The following ATG4B variants were observed in gnomAD, a reference collection of about 807,000 sequenced individuals.
The protein encoded by ATG4B is cysteine protease ATG4B.
In ATG4B, 29 loss-of-function variants were observed where a neutral mutation model predicts 56.6. That is an observed-to-expected ratio of 0.51 (90% CI 0.38 to 0.70). The LOEUF (loss-of-function observed/expected upper bound fraction) is 0.70, where lower values mean the gene tolerates loss of function less well. Among genes scored for constraint, ATG4B ranks in the 30% least tolerant of loss-of-function variants. ATG4B has a pLI of 0.00. For missense variants in ATG4B, 461 were observed against 515.5 expected (o/e 0.89, Z 1.02); for synonymous variants, 224 against 206.1 (o/e 1.09, Z -0.74).
At position 241,651,474 on chromosome 2, in the gene ATG4B, G is replaced by T; in HGVS notation, c.184+139G>T. 2.7e-6 allele frequency: 2 copies of T among 730,516 alleles called. No individual in the cohort carries two copies. The highest frequency in any genetic ancestry group is 4.5e-6 in the Non-Finnish European group (2 of 443,942). The allele number at this position is 730,516 out of a possible 1,614,324, so 45.3% of individuals were successfully genotyped here. On this transcript the variant is annotated intron_variant, in intron 3 of 12. Coordinates refer to ENST00000404914, the MANE Select transcript of ATG4B (RefSeq NM_013325.5). This position sits in a 1 kb window ranked among gnomAD's most constrained non-coding sequence, Gnocchi z 4.1. ...GCAATCCTGCTTAACTGAATTGGCC[G>T]AGGCCTCACGTGTAGTAGTGGCAAA...
chr2:241,651,420 A>G lies in ATG4B; in HGVS notation c.184+85A>G. 3 of 1,035,764 alleles carry G rather than the reference A, an allele frequency of 2.9e-6. No individual in the cohort carries two copies. The highest frequency in any genetic ancestry group is 1.5e-5 in the South Asian group (1 of 66,996). 64.2% of individuals were successfully genotyped at this position (1,035,764 alleles called of 1,614,324 possible). ...TTACGCTTGTAGATTTGACTTCAAT[A>G]TGCCACTGACTTCATTTGAATCTTC... On this transcript the variant is annotated intron_variant, in intron 3 of 12. Transcript: ENST00000404914. The surrounding 1 kb of genome is among the most constrained non-coding windows in gnomAD (Gnocchi z 4.1).
At chr2:241,638,386 T>TGA (rs1183957909) in intron 1 of ATG4B, 2 of 152,110 alleles carry the variant, frequency 1.3e-5, no homozygotes, top group Non-Finnish European at 2.9e-5. Flanking sequence ...TGTGTGTGTG[T>TGA]ATAGGGAGTG....
In ATG4B at chr2:241,668,360, T is replaced by C. The variant is rs2068845099; in HGVS notation, c.811+139T>C. On this transcript the variant is annotated intron_variant, in intron 9 of 12. Transcript: ENST00000404914. The surrounding 1 kb of genome is among the most constrained non-coding windows in gnomAD (Gnocchi z 4.2). ...GCCCTGGGGTTCATTTTCAGCCTGG[T>C]CGCGGGCGGCCTCCTGTGTGCCCCT... 7.3e-7 allele frequency: 1 copy of C among 1,368,656 alleles called. No individual in the cohort carries two copies. Among genetic ancestry groups the C allele is most frequent in the Non-Finnish European group, 1.0e-6 (1 of 987,068 alleles). The allele number at this position is 1,368,656 out of a possible 1,614,324, so 84.8% of individuals were successfully genotyped here.
intron 5 of ATG4B, 163 bp from the exon 6 acceptor site, chr2:241,655,108 G>GC: frequency 3.1e-6 from 2 of 652,400 alleles, no homozygotes; most frequent in Non-Finnish European, 2.8e-6. Flanking sequence ...GACCTTGTTT[G>GC]CCCCCTCATG....
rs955317959 is a variant in ATG4B at position 241,644,854 on chromosome 2, C to T, written c.11-6156C>T. ...ATCCCAGCTACTCGGGAGGCTGAGG[C>T]AGGAGAATCGCTTGAAACCGGGAGG... On this transcript the variant is annotated intron_variant, in intron 1 of 12. Coordinates refer to ENST00000404914, the MANE Select transcript of ATG4B (RefSeq NM_013325.5). Among the ~76,000 whole-genome samples the T allele has an allele frequency of 1.4e-4, 21 of 151,414 alleles. 1 individual carries two copies. The highest frequency in any genetic ancestry group is 1.6e-4 in the Non-Finnish European group (11 of 67,942).
intron 12 of ATG4B, 99 bp from the exon 13 acceptor site, chr2:241,672,092 G>A (rs1030915951): frequency 1.3e-6 from 2 of 1,516,058 alleles, no homozygotes; most frequent in African/African-American, 2.8e-5. Context: ...GTGGGCTGCA[G>A]AGCAGGCACT....
At chr2:241,663,717 A>G (rs911584500) in intron 7 of ATG4B, among the ~76,000 whole-genome samples, 4 of 152,142 alleles carry the variant, frequency 2.6e-5, no homozygotes, top group South Asian at 2.1e-4. Context: ...GTAGTGGCTC[A>G]TGTTTGTAAT....
intron 1 of ATG4B, among the ~76,000 whole-genome samples, chr2:241,639,878 G>A (rs113403498): frequency 8.5e-5 from 13 of 152,316 alleles, no homozygotes; most frequent in South Asian, 2.1e-4. Flanking sequence ...AGAGGAAAGC[G>A]CACCAAACAG....
At chr2:241,663,862 A>T (rs2068669236) in intron 7 of ATG4B, among the ~76,000 whole-genome samples, 1 of 149,838 alleles carries the variant, frequency 6.7e-6, no homozygotes, top group Non-Finnish European at 1.5e-5. Flanking sequence ...GCTGGAGTGC[A>T]GTGGTGGCAC....
In ATG4B at chr2:241,672,236, A is replaced by G; in HGVS notation, c.1154A>G (p.Asp385Gly). ...CTGGAAAGATTCTTCGACTCAGAAGATGAAGACTTTGAAATCCTGTCCCTT... is the reference window on the plus strand; with the variant it reads ...CTGGAAAGATTCTTCGACTCAGAAGGTGAAGACTTTGAAATCCTGTCCCTT... ...ERLERFFDSE[D>G]EDFEILSL The change falls in exon 13 of 13, where the codon GAT (aspartate) becomes GGT (glycine). Residue 385 changes from aspartate (D) to glycine (G), a missense_variant. Asp to Gly is a moderately conservative substitution (Grantham distance 94). Coordinates refer to ENST00000404914, the MANE Select transcript of ATG4B (RefSeq NM_013325.5). The G allele has an allele frequency of 6.3e-7, 1 of 1,584,964 alleles. No homozygotes were observed. Among genetic ancestry groups the G allele is most frequent in the Non-Finnish European group, 8.6e-7 (1 of 1,165,144 alleles).
intron 1 of ATG4B, among the ~76,000 whole-genome samples, chr2:241,644,347 G>A (rs1239251272): frequency 1.3e-5 from 2 of 152,076 alleles, no homozygotes; most frequent in Non-Finnish European, 2.9e-5. Flanking sequence ...TTGGGTGACA[G>A]AGCCAGAAGG....
In ATG4B at chr2:241,666,699, A is replaced by G. The variant is rs771617472; in HGVS notation, c.593A>G (p.Asp198Gly). 5 of 1,613,350 alleles carry G rather than the reference A, an allele frequency of 3.1e-6. No homozygotes were observed. The highest frequency in any genetic ancestry group is 4.2e-6 in the Non-Finnish European group (5 of 1,179,678). The change falls in exon 8 of 13, where the codon GAT becomes GGT. Residue 198 changes from aspartate to glycine, a missense_variant. Asp to Gly is a moderately conservative substitution (Grantham distance 94, BLOSUM62 -1). Coordinates refer to ENST00000404914, the MANE Select transcript of ATG4B (RefSeq NM_013325.5). ...PCAGATAFPA[D>G]SDRHCNGFPA... ...GCAGGCGCCACTGCGTTTCCTGCAG[A>G]TTCCGACCGGCACTGCAACGGATTC...
intron 7 of ATG4B, among the ~76,000 whole-genome samples, chr2:241,662,446 G>C (rs567773563): frequency 6.6e-6 from 1 of 152,156 alleles, no homozygotes; most frequent in Non-Finnish European, 1.5e-5. Context: ...TTTTAAATGT[G>C]TTCAAAATAT....
intron 7 of ATG4B, among the ~76,000 whole-genome samples, chr2:241,661,271 C>T (rs1015780950): frequency 1.1e-4 from 16 of 152,180 alleles, no homozygotes; most frequent in African/African-American, 3.6e-4. Context: ...CTGATGCCCC[C>T]ATTTAGGAAG....
At chr2:241,637,931 C>T (rs1486384324) in intron 1 of ATG4B, among the ~76,000 whole-genome samples, 1 of 151,502 alleles carries the variant, frequency 6.6e-6, no homozygotes, top group African/African-American at 2.4e-5. Flanking sequence ...GCGCACTGCG[C>T]CGCGGAACCC....
intron 3 of ATG4B, chr2:241,653,225 C>G (rs567500720): frequency 6.1e-6 from 6 of 989,612 alleles, no homozygotes; most frequent in South Asian, 5.5e-5. Context: ...GGATGACTTA[C>G]GGGGGTCAGT....
chr2:241,637,797 G>C (rs2067715916), intron 1 of ATG4B, 73 bp downstream of exon 1: 2 of 1,467,726 alleles, frequency 1.4e-6, no homozygotes, highest in Admixed American at 2.7e-5. Flanking sequence ...TGCTCGGGTC[G>C]GGCTGCCGCG....
chr2:241,641,644 T>C (rs2067894534), intron 1 of ATG4B, among the ~76,000 whole-genome samples: 1 of 152,036 alleles, frequency 6.6e-6, no homozygotes, highest in Admixed American at 6.5e-5. Flanking sequence ...TTATGTGTGT[T>C]GAATGTGAGG....
At chr2:241,642,871 CCTTTTTTTTTTTT>C (rs1454873883) in intron 1 of ATG4B, among the ~76,000 whole-genome samples, 1 of 98,430 alleles carries the variant, frequency 1.0e-5, no homozygotes, top group Admixed American at 1.2e-4. Flanking sequence ...ACCTCTCCGT[CCTTTTTTTTTTTT>C]TTTTTTTTTT....
Sources: allele counts gnomAD v4.1 joint callset (sites outside exome capture counted in the v4.1 genomes callset), GRCh38; gene constraint gnomAD v4.1.1; non-coding constraint Gnocchi (gnomAD v3.1); transcripts MANE v1.5; gene names NCBI Gene and HGNC (gene_info 2026-07-23, HGNC 2026-07-21).